The following NKD2 variants were observed in gnomAD, a reference collection of about 807,000 sequenced individuals.
NKD2 encodes the protein protein naked cuticle homolog 2.
In NKD2, 43 loss-of-function variants were observed where a neutral mutation model predicts 34.8. The observed-to-expected ratio is 1.24, with a 90% CI of 0.97 to 1.60. The LOEUF (loss-of-function observed/expected upper bound fraction) is 1.60, where lower values mean the gene tolerates loss of function less well. Among genes scored for constraint, NKD2 ranks in the 40% most tolerant of loss-of-function variants. NKD2 has a pLI of 0.00. For missense variants in NKD2, 675 were observed against 627.1 expected (o/e 1.08, Z -0.82); for synonymous variants, 278 against 265.1 (o/e 1.05, Z -0.47).
In NKD2 at chr5:1,030,949, G is replaced by A. The variant is rs899555316; in HGVS notation, c.142-1203G>A. ...CTCAACAATATTCAGCCTCGGCAGC[G>A]CCACCTTAGTGCCCATGTGTGGGTG... On this transcript the variant is annotated intron_variant, in intron 3 of 9. Transcript: ENST00000296849. 5.3e-5 allele frequency among the ~76,000 whole-genome samples: 8 copies of A among 152,242 alleles called. No homozygotes were observed. In the South Asian group the frequency reaches 1.2e-3, roughly 24 times the overall value.
At position 1,036,492 on chromosome 5, in the gene NKD2, G is replaced by GC. The variant is rs1342239961; in HGVS notation, c.787+117dup. ...AGGGGGCCCCTCCCTGCCCTGCCCC[G>GC]CCCCCCCCCAACCCCCCCCACCCCA... On this transcript the variant is annotated intron_variant, in intron 9 of 9. Transcript: ENST00000296849. The GC allele has an allele frequency of 5.3e-4, 221 of 413,682 alleles. No individual in the cohort carries two copies. In the African/African-American group the frequency reaches 8.5e-3, roughly 16 times the overall value. The allele number at this position is 413,682 out of a possible 1,614,324, so 25.6% of individuals were successfully genotyped here.
chr5:1,038,427 GC>G lies in NKD2; in HGVS notation c.*55del. On this transcript the variant is annotated 3_prime_UTR_variant, in exon 10 of 10. Transcript: ENST00000296849. The surrounding 1 kb of genome is among the most constrained non-coding windows in gnomAD (Gnocchi z 4.5). ...GCACACCACAGCCCGCGACCTCAGG[GC>G]AGGGAGCAGAGCAGCTGCCGGCTGT... The G allele has an allele frequency of 6.5e-7, 1 of 1,535,598 alleles. No homozygotes were observed. The highest frequency in any genetic ancestry group is 8.7e-7 in the Non-Finnish European group (1 of 1,146,638).
At chr5:1,036,960 G>A (rs1734000254) in intron 9 of NKD2, 1 of 356,454 alleles carries the variant, frequency 2.8e-6, no homozygotes, top group South Asian at 2.4e-5. Context: ...AGTGTGGACG[G>A]CGGGCAGTGT....
intron 3 of NKD2, among the ~76,000 whole-genome samples, chr5:1,020,324 C>T (rs148197964): frequency 1.8e-3 from 278 of 152,238 alleles, no homozygotes; most frequent in African/African-American, 5.7e-3. Context: ...TGAGTACACA[C>T]GTGTATACAT....
chr5:1,037,552 C>T, intron 9 of NKD2: 1 of 1,535,954 alleles, frequency 6.5e-7, no homozygotes, highest in Non-Finnish European at 8.7e-7. Flanking sequence ...AAGCTCCGCT[C>T]CCAGGACACA....
rs1195151375 is a variant in NKD2 at position 1,034,316 on chromosome 5, A to T, written c.412A>T (p.Lys138Ter). ...FTLYDFDNCGKVTREDMSSLM... is the reference protein window; with the variant it reads ...FTLYDFDNCG ...GCTCTATGACTTTGACAACTGCGGGAAGGTCACCAGGGAGGTAGGTGAGCT... is the reference window on the plus strand; with the variant it reads ...GCTCTATGACTTTGACAACTGCGGGTAGGTCACCAGGGAGGTAGGTGAGCT... Residue 138 changes from lysine (K) to a stop codon, truncating the protein, a stop_gained, in exon 6 of 10, where the codon AAG (lysine) becomes TAG (stop). Transcript: ENST00000296849. LOFTEE classifies it high-confidence loss of function. The T allele has an allele frequency of 1.2e-6, 2 of 1,612,612 alleles. No individual in the cohort carries two copies. The highest frequency in any genetic ancestry group is 1.7e-6 in the Non-Finnish European group (2 of 1,179,714).
In NKD2 at chr5:1,009,968, A is replaced by G. The variant is rs4078802; in HGVS notation, c.141+408A>G. On this transcript the variant is annotated intron_variant, in intron 3 of 9. Coordinates refer to ENST00000296849, the MANE Select transcript of NKD2 (RefSeq NM_033120.4). The surrounding 1 kb of genome is among the most constrained non-coding windows in gnomAD (Gnocchi z 6.9). ...GTTGGAGGAGGGGTGGGAGCTACAG[A>G]CCTGGGGCATCACTGGTCATAGCCT... is the stretch of plus-strand genomic sequence containing the variant. Among the ~76,000 whole-genome samples, 18,230 of 151,980 alleles carry G rather than the reference A, an allele frequency of 0.12. 1,244 individuals carry two copies. Among genetic ancestry groups the G allele is most frequent in the African/African-American group, 0.18 (7,337 of 41,414 alleles).
chr5:1,021,148 G>A (rs147204794), intron 3 of NKD2, among the ~76,000 whole-genome samples: 1 of 152,306 alleles, frequency 6.6e-6, no homozygotes, highest in Non-Finnish European at 1.5e-5. Flanking sequence ...TGACCCCAAA[G>A]TTACTGCTTT....
chr5:1,013,469 G>A (rs760381032), intron 3 of NKD2, among the ~76,000 whole-genome samples: 7 of 152,252 alleles, frequency 4.6e-5, no homozygotes, highest in Non-Finnish European at 8.8e-5. Context: ...GGAACCGAAG[G>A]GAGTTGCCAG....
At position 1,009,595 on chromosome 5, in the gene NKD2, G is replaced by A; in HGVS notation, c.141+35G>A. 2.1e-6 allele frequency: 3 copies of A among 1,398,966 alleles called. No individual in the cohort carries two copies. Among genetic ancestry groups the A allele is most frequent in the Non-Finnish European group, 1.8e-6 (2 of 1,085,330 alleles). The allele number at this position is 1,398,966 out of a possible 1,614,324, so 86.7% of individuals were successfully genotyped here. On this transcript the variant is annotated intron_variant, in intron 3 of 9. Transcript: ENST00000296849. The surrounding 1 kb of genome is among the most constrained non-coding windows in gnomAD (Gnocchi z 6.9). ...GGGGCGGAGGCTGGGGTCGCGCTGC[G>A]CACCCGCCCGGGGGCGGGGAGCGGT...
intron 3 of NKD2, among the ~76,000 whole-genome samples, chr5:1,022,109 C>T (rs548140965): frequency 4.0e-5 from 6 of 151,828 alleles, no homozygotes; most frequent in Non-Finnish European, 7.4e-5. Context: ...CACCCTTGAC[C>T]TTGCTGGCCC....
intron 3 of NKD2, among the ~76,000 whole-genome samples, chr5:1,014,040 T>G (rs1398367359): frequency 6.6e-6 from 1 of 152,230 alleles, no homozygotes; most frequent in African/African-American, 2.4e-5. Flanking sequence ...AACAGCTTCC[T>G]GAAGCTAAAA....
At chr5:1,019,365 C>T (rs954565337) in intron 3 of NKD2, among the ~76,000 whole-genome samples, 4 of 152,184 alleles carry the variant, frequency 2.6e-5, no homozygotes, top group Non-Finnish European at 5.9e-5. Flanking sequence ...TTACCTCTCA[C>T]GCGGGGGTTC....
At chr5:1,029,868 G>T (rs1756570315) in intron 3 of NKD2, among the ~76,000 whole-genome samples, 2 of 152,190 alleles carry the variant, frequency 1.3e-5, no homozygotes, top group Non-Finnish European at 2.9e-5. Flanking sequence ...TTAGCAAGGA[G>T]TGCTGTACGC....
chr5:1,031,838 A>G (rs1192266440), intron 3 of NKD2, among the ~76,000 whole-genome samples: 1 of 152,000 alleles, frequency 6.6e-6, no homozygotes, highest in Non-Finnish European at 1.5e-5. Context: ...ATTTAGGGTA[A>G]TCCAGCATGG....
chr5:1,016,236 C>G (rs944912951), intron 3 of NKD2, among the ~76,000 whole-genome samples: 1 of 152,268 alleles, frequency 6.6e-6, no homozygotes, highest in Non-Finnish European at 1.5e-5. Flanking sequence ...GCAGAGACCC[C>G]GATCCGCTCT....
intron 3 of NKD2, among the ~76,000 whole-genome samples, chr5:1,021,393 C>CATCCCA (rs1166439376): frequency 2.6e-5 from 3 of 114,694 alleles, no homozygotes; most frequent in Non-Finnish European, 5.4e-5. Flanking sequence ...CCCACCCACC[C>CATCCCA]GTCCCAACCC....
At position 1,009,383 on chromosome 5, in the gene NKD2, G is replaced by T. The variant is rs1417615665; in HGVS notation, c.62-98G>T. The T allele has an allele frequency of 9.8e-6, 10 of 1,016,584 alleles. No homozygotes were observed. The East Asian group carries it at 3.2e-4, about 33-fold the overall frequency. 63.0% of individuals were successfully genotyped at this position (1,016,584 alleles called of 1,614,324 possible). The stretch of plus-strand genomic sequence containing the variant: ...GCCTGCCCCTGCGCGGTCTCCAGGC[G>T]ATGGGGACACAGCGAAGGCGCAGCG... On this transcript the variant is annotated intron_variant, in intron 2 of 9. Coordinates refer to ENST00000296849, the MANE Select transcript of NKD2 (RefSeq NM_033120.4). The surrounding 1 kb of genome is among the most constrained non-coding windows in gnomAD (Gnocchi z 6.9).
At chr5:1,036,505 C>T in intron 9 of NKD2, 121 bp downstream of exon 9, 1 of 597,512 alleles carries the variant, frequency 1.7e-6, no homozygotes. Flanking sequence ...CCCCCCCAAC[C>T]CCCCCCACCC....
Sources: gnomAD v4.1 joint callset for allele counts (sites outside exome capture counted in the v4.1 genomes callset) on GRCh38, gnomAD v4.1.1 for gene constraint, Gnocchi (gnomAD v3.1) non-coding constraint, MANE v1.5 for transcripts, NCBI Gene and HGNC (gene_info 2026-07-23, HGNC 2026-07-21) for gene names.